The following SMYD4 variants were observed in gnomAD, a reference collection of about 807,000 sequenced individuals.
SMYD4 encodes the protein protein-lysine N-methyltransferase SMYD4.
A neutral mutation model predicts 72.8 loss-of-function variants in SMYD4; 68 were observed. The ratio of observed to expected loss-of-function variants is 0.93; its 90% CI spans 0.77 to 1.14. SMYD4 has a LOEUF of 1.14. Among genes scored for constraint, SMYD4 ranks in the 50% most tolerant of loss-of-function variants. The pLI, the probability that SMYD4 is intolerant of heterozygous loss-of-function variation, is 0.00. For synonymous variants in SMYD4, 407 were observed against 388.6 expected (o/e 1.05, Z -0.56); for missense variants, 984 against 1,003.7 (o/e 0.98, Z 0.27).
intron 5 of SMYD4, 40 bp downstream of exon 5, chr17:1,799,817 G>T: frequency 6.6e-7 from 1 of 1,508,108 alleles, no homozygotes; most frequent in South Asian, 1.3e-5. Flanking sequence ...GCTCCATCGA[G>T]AACAATATTG....
chr17:1,818,173 T>C (rs1005186909), intron 2 of SMYD4, among the ~76,000 whole-genome samples: 1 of 152,120 alleles, frequency 6.6e-6, no homozygotes, highest in Non-Finnish European at 1.5e-5. Context: ...GTCATTAGGA[T>C]ACAGACAGAA....
intron 5 of SMYD4, among the ~76,000 whole-genome samples, chr17:1,798,138 T>C (rs75498593): frequency 2.1e-5 from 3 of 143,530 alleles, no homozygotes; most frequent in Non-Finnish European, 4.6e-5. Flanking sequence ...TGTGCATGTA[T>C]TTTTTTTTTT....
chr17:1,781,667 T>G (rs911666120), intron 10 of SMYD4: 6 of 290,946 alleles, frequency 2.1e-5, no homozygotes, highest in Admixed American at 5.2e-5. Flanking sequence ...ACGAGGCAAA[T>G]CTCAAAGCTT....
At chr17:1,784,489 C>G (rs1908545226) in intron 7 of SMYD4, 28 bp from the exon 8 acceptor site, 1 of 1,613,246 alleles carries the variant, frequency 6.2e-7, no homozygotes, top group Non-Finnish European at 8.5e-7. Flanking sequence ...CTCTTTATTC[C>G]AATGCCAGGG....
At chr17:1,829,509 G>A (rs1156628652) in intron 1 of SMYD4, 1 of 152,280 alleles carries the variant, frequency 6.6e-6, no homozygotes, top group East Asian at 1.9e-4. Flanking sequence ...ACGGCATAAA[G>A]TGCCCCCACA....
Position 1,828,336 on chromosome 17 carries a change from G to C in SMYD4, c.-12-330C>G, listed in dbSNP as rs1911315176. Among the ~76,000 whole-genome samples, 4 of 148,306 alleles carry C rather than the reference G, an allele frequency of 2.7e-5. 1 individual carries two copies. In the South Asian group the frequency reaches 8.6e-4, roughly 32 times the overall value. ...ATTGCACTCCAGCCTGGGTGACAGA[G>C]CAAGACTCTGTCTCGGAAAAAAAAA... On this transcript the variant is annotated intron_variant, in intron 1 of 10. Coordinates refer to ENST00000305513, the MANE Select transcript of SMYD4 (RefSeq NM_052928.3).
At position 1,799,862 on chromosome 17, in the gene SMYD4, T is replaced by C. The variant is rs61753098; in HGVS notation, c.1532A>G (p.His511Arg). The change falls in exon 5 of 11, where the codon CAC becomes CGC. Residue 511 changes from histidine (H) to arginine (R), a missense_variant. Transcript: ENST00000305513. ...CNAQAMTTIQ[H>R]TGPKGSIVTD... ...AACATCAGGTTCCCTCTTACCTGTG[T>C]GTTGTATGGTGGTCATCGCCTGAGC... 32,348 of 1,586,186 alleles carry C rather than the reference T, an allele frequency of 0.02. 486 individuals are homozygous for C. Among genetic ancestry groups the C allele is most frequent in the South Asian group, 0.053 (4,672 of 88,588 alleles).
chr17:1,802,473 AAC>A (rs1225426857), intron 4 of SMYD4, among the ~76,000 whole-genome samples: 3 of 152,188 alleles, frequency 2.0e-5, no homozygotes, highest in South Asian at 4.1e-4. Flanking sequence ...CAGCCTGGGT[AAC>A]AGAGACCCTG....
rs955267066 is a variant in SMYD4, at chr17:1,790,317, A to T, written c.1538-2713T>A. Among the ~76,000 whole-genome samples, 28 of 152,176 alleles carry T rather than the reference A, an allele frequency of 1.8e-4. 1 individual carries two copies. The highest frequency in any genetic ancestry group is 6.8e-4 in the African/African-American group (28 of 41,440). On this transcript the variant is annotated intron_variant, in intron 5 of 10. Coordinates refer to ENST00000305513, the MANE Select transcript of SMYD4 (RefSeq NM_052928.3). ...TATGTCAGAGTTGAATAGCTCTCTA[A>T]TTATTTCTAAAAAATTAAGTATTGA...
intron 3 of SMYD4, among the ~76,000 whole-genome samples, chr17:1,808,534 T>C (rs1370884692): frequency 1.3e-5 from 2 of 152,118 alleles, no homozygotes; most frequent in African/African-American, 2.4e-5. Flanking sequence ...AGTAAACATA[T>C]ATTACTTTTA....
chr17:1,801,398 C>T (rs1909744598), intron 4 of SMYD4, among the ~76,000 whole-genome samples: 2 of 151,824 alleles, frequency 1.3e-5, no homozygotes, highest in South Asian at 2.1e-4. Context: ...GCCACCACAC[C>T]CAGCTATTTT....
rs530860825 is a variant in SMYD4 at position 1,824,172 on chromosome 17, G to A, written c.134+3689C>T. Among the ~76,000 whole-genome samples the A allele has an allele frequency of 7.9e-5, 12 of 152,090 alleles. No homozygotes were observed. In the South Asian group the frequency reaches 8.3e-4, roughly 11 times the overall value. On this transcript the variant is annotated intron_variant, in intron 2 of 10. Coordinates refer to ENST00000305513, the MANE Select transcript of SMYD4 (RefSeq NM_052928.3). ...AGCCTGGCCAACATGGTAAAACCCC[G>A]TCTCTACTAAAAATACAAACATTAG...
rs1332833872 is a variant in SMYD4 at position 1,781,233 on chromosome 17, T to C, written c.*53A>G. 6.3e-7 allele frequency: 1 copy of C among 1,584,198 alleles called. No homozygotes were observed. The highest frequency in any genetic ancestry group is 8.6e-7 in the Non-Finnish European group (1 of 1,168,534). ...ACCATACCTGGCCAGCAAAACCTCT[T>C]TAACTTGTGTTCCATGGGCTCCTTT... On this transcript the variant is annotated 3_prime_UTR_variant, in exon 11 of 11. Transcript: ENST00000305513.
At chr17:1,793,812 C>G (rs1909191487) in intron 5 of SMYD4, among the ~76,000 whole-genome samples, 1 of 150,712 alleles carries the variant, frequency 6.6e-6, no homozygotes, top group Non-Finnish European at 1.5e-5. Flanking sequence ...ATTAGGTCTT[C>G]TGCCTCTCAG....
chr17:1,782,767 C>CTT (rs35909616), intron 10 of SMYD4: 2,397 of 170,996 alleles, frequency 0.014, 28 homozygotes, highest in Non-Finnish European at 0.018. Flanking sequence ...GGAGGAAATT[C>CTT]TTTTTTTTTT....
intron 2 of SMYD4, chr17:1,814,482 AAAGT>A (rs1039585674): frequency 2.6e-5 from 4 of 152,228 alleles, no homozygotes; most frequent in Middle Eastern, 3.2e-3. Flanking sequence ...AGGTAAAAAC[AAAGT>A]TAGTATCAAA....
At position 1,783,169 on chromosome 17, in the gene SMYD4, A is replaced by T; in HGVS notation, c.2138-11T>A. On this transcript the variant is annotated splice_polypyrimidine_tract_variant and intron_variant, in intron 9 of 10. Coordinates refer to ENST00000305513, the MANE Select transcript of SMYD4 (RefSeq NM_052928.3). The stretch of plus-strand genomic sequence containing the variant: ...ACTTTTGCCAGTCTCCTGTGAGAAG[A>T]GAAAAATCTTGTTCCAGAAAAGAAC... The T allele has an allele frequency of 6.2e-7, 1 of 1,613,888 alleles. No individual in the cohort carries two copies. Among genetic ancestry groups the T allele is most frequent in the Non-Finnish European group, 8.5e-7 (1 of 1,179,954 alleles).
chr17:1,825,811 T>C (rs1911140303), intron 2 of SMYD4, among the ~76,000 whole-genome samples: 1 of 151,858 alleles, frequency 6.6e-6, no homozygotes, highest in South Asian at 2.1e-4. Flanking sequence ...CCTCATCTTC[T>C]TTTATACCTT....
intron 5 of SMYD4, among the ~76,000 whole-genome samples, chr17:1,794,107 T>A (rs4790287): frequency 0.09 from 879 of 9,776 alleles, 11 homozygotes; most frequent in South Asian, 0.14. Context: ...ATATATATAT[T>A]TTTTTTTTTT....
Sources: allele counts gnomAD v4.1 joint callset (sites outside exome capture counted in the v4.1 genomes callset), GRCh38; gene constraint gnomAD v4.1.1; transcripts MANE v1.5; gene names NCBI Gene and HGNC (gene_info 2026-07-23, HGNC 2026-07-21).